RELN: variants seen among roughly 807,000 people sequenced by gnomAD.
RELN encodes the protein reelin.
A neutral mutation model predicts 427.6 loss-of-function variants in RELN; 108 were observed. The observed-to-expected ratio is 0.25, with a 90% CI of 0.22 to 0.30. The LOEUF is 0.30. Ranked by LOEUF, RELN falls within the 10% of genes least tolerant of loss-of-function variation. The pLI is 1.00. For synonymous variants in RELN, 1,524 were observed against 1,513.4 expected (o/e 1.01, Z -0.16); for missense variants, 3,715 against 4,302.8 (o/e 0.86, Z 3.82).
At position 103,704,772 on chromosome 7, in the gene RELN, G is replaced by C. The variant is rs567099932; in HGVS notation, c.806-3766C>G. Among the ~76,000 whole-genome samples, 8 of 151,900 alleles carry C rather than the reference G, an allele frequency of 5.3e-5. No individual in the cohort carries two copies. The East Asian group carries it at 1.4e-3, about 26-fold the overall frequency. On this transcript the variant is annotated intron_variant, in intron 8 of 64. Transcript: ENST00000428762. Reference sequence around the variant, plus strand: ...CCTTTTTGGGCAAAACTTCTCCAAGGGGTTGGCTGTCCAGTGATTGCCTCC... The same window carrying C: ...CCTTTTTGGGCAAAACTTCTCCAAGCGGTTGGCTGTCCAGTGATTGCCTCC...
chr7:103,512,667 G>A (rs940208203), intron 50 of RELN: 1 of 152,064 alleles, frequency 6.6e-6, no homozygotes, highest in Non-Finnish European at 1.5e-5. Context: ...TTTCTCTTCT[G>A]GAAGAGATGA....
chr7:103,695,625 A>C (rs1011614647), intron 10 of RELN, among the ~76,000 whole-genome samples: 20 of 152,162 alleles, frequency 1.3e-4, no homozygotes, highest in African/African-American at 4.6e-4. Context: ...ATGGCTTGTA[A>C]AATGAAACAG....
chr7:103,903,859 T>A (rs868843104), intron 2 of RELN, among the ~76,000 whole-genome samples: 1 of 151,940 alleles, frequency 6.6e-6, no homozygotes, highest in South Asian at 2.1e-4. Context: ...TGTTTTTTTT[T>A]AAGTTCCGGG....
chr7:103,896,398 C>T (rs1472550337), intron 2 of RELN, among the ~76,000 whole-genome samples: 1 of 152,022 alleles, frequency 6.6e-6, no homozygotes. Flanking sequence ...CCCAAAACTA[C>T]TAACAACTCA....
intron 28 of RELN, among the ~76,000 whole-genome samples, chr7:103,585,150 G>A (rs1562905787): frequency 6.6e-6 from 1 of 151,672 alleles, no homozygotes; most frequent in African/African-American, 2.4e-5. Flanking sequence ...CCTCAAGGAA[G>A]AAAAATAAAG....
intron 2 of RELN, among the ~76,000 whole-genome samples, chr7:103,882,323 A>G (rs1359922708): frequency 6.6e-6 from 1 of 152,098 alleles, no homozygotes; most frequent in Non-Finnish European, 1.5e-5. Context: ...CCCTAAAACC[A>G]GGGCCTATTT....
At chr7:103,694,917 G>C (rs1344903398) in intron 10 of RELN, among the ~76,000 whole-genome samples, 1 of 151,454 alleles carries the variant, frequency 6.6e-6, no homozygotes. Flanking sequence ...CTCCCACTTT[G>C]GCCTCCCAAA....
intron 1 of RELN, among the ~76,000 whole-genome samples, chr7:103,924,340 A>G (rs1266247792): frequency 6.6e-6 from 1 of 152,034 alleles, no homozygotes. Context: ...AGGGGGAGAA[A>G]GGAAGGAGAA....
chr7:103,526,044 C>A (rs989300742), intron 46 of RELN, among the ~76,000 whole-genome samples: 1 of 152,138 alleles, frequency 6.6e-6, no homozygotes, highest in African/African-American at 2.4e-5. Flanking sequence ...GGTAGATGGG[C>A]AGGGCCTGGT....
In RELN at chr7:103,500,880, C is replaced by A; in HGVS notation, c.8532G>T (p.Gln2844His). The stretch of plus-strand genomic sequence containing the variant: ...CCAGGTAGAAATTATCGATTGCCCA[C>A]TGCATGTCTGAGTACTTCTGATAGA... ...FRFYQKYSDM[Q>H]WAIDNFYLGP... The change falls in exon 53 of 65, where the codon CAG (glutamine) becomes CAT (histidine). Residue 2844 changes from glutamine to histidine, a missense_variant. Physicochemically the swap from Gln to His is conservative, Grantham distance 24. Around this residue, in one of 4 missense-constraint regions of RELN, gnomAD observed 1,310 missense variants for 1,643.0 expected, o/e 0.80. Coordinates refer to ENST00000428762, the MANE Select transcript of RELN (RefSeq NM_005045.4). 1.9e-6 allele frequency: 3 copies of A among 1,614,100 alleles called. No individual in the cohort carries two copies. The highest frequency in any genetic ancestry group is 2.5e-6 in the Non-Finnish European group (3 of 1,179,974).
intron 2 of RELN, among the ~76,000 whole-genome samples, chr7:103,893,107 T>A (rs1018773289): frequency 6.6e-6 from 1 of 151,978 alleles, no homozygotes; most frequent in Non-Finnish European, 1.5e-5. Context: ...GAGAAAAAAA[T>A]TAGTTTCTCT....
intron 23 of RELN, 118 bp downstream of exon 23, chr7:103,604,228 T>A: frequency 8.4e-7 from 1 of 1,186,616 alleles, no homozygotes. Flanking sequence ...ACTTGTTTCT[T>A]TTGGCTATGT....
At position 103,897,254 on chromosome 7, in the gene RELN, G is replaced by T. The variant is rs561025179; in HGVS notation, c.337+19821C>A. Among the ~76,000 whole-genome samples the T allele has an allele frequency of 2.0e-5, 3 of 152,198 alleles. No individual in the cohort carries two copies. In the South Asian group the frequency reaches 6.2e-4, roughly 32 times the overall value. On this transcript the variant is annotated intron_variant, in intron 2 of 64. Coordinates refer to ENST00000428762, the MANE Select transcript of RELN (RefSeq NM_005045.4). ...AAAATAAAATCAGTTCATTAGCTGA[G>T]TGTCAACACACAATATAAAACCATG...
At chr7:103,825,551 GT>G (rs1793116293) in intron 3 of RELN, among the ~76,000 whole-genome samples, 1 of 152,110 alleles carries the variant, frequency 6.6e-6, no homozygotes, top group Non-Finnish European at 1.5e-5. Context: ...AAAAAACTTA[GT>G]TTTGCTTTCT....
rs563808290 is a variant in RELN, at chr7:103,830,214, T to C, written c.473+3323A>G. Among the ~76,000 whole-genome samples the C allele has an allele frequency of 4.5e-4, 68 of 152,112 alleles. 3 individuals carry two copies. The highest frequency in any genetic ancestry group is 1.6e-3 in the African/African-American group (65 of 41,554). ...ATTATTAGCTACTAACAAATATTTA[T>C]TGAGCACATTCTATTGGTCTATAGT... On this transcript the variant is annotated intron_variant, in intron 3 of 64. Coordinates refer to ENST00000428762, the MANE Select transcript of RELN (RefSeq NM_005045.4).
At chr7:103,710,638 T>C (rs963921064) in intron 8 of RELN, among the ~76,000 whole-genome samples, 1 of 151,838 alleles carries the variant, frequency 6.6e-6, no homozygotes, top group Non-Finnish European at 1.5e-5. Context: ...CAATAAGGAG[T>C]TGCAAAGGCA....
At chr7:103,608,463 A>C (rs1365271226) in intron 22 of RELN, among the ~76,000 whole-genome samples, 1 of 152,108 alleles carries the variant, frequency 6.6e-6, no homozygotes, top group African/African-American at 2.4e-5. Context: ...GAATTAAATT[A>C]CTTGTTACAT....
At chr7:103,634,431 T>A (rs1388688082) in intron 19 of RELN, among the ~76,000 whole-genome samples, 2 of 152,182 alleles carry the variant, frequency 1.3e-5, no homozygotes, top group Non-Finnish European at 2.9e-5. Flanking sequence ...TCAATAAGTT[T>A]TAGGAGTGGA....
intron 11 of RELN, among the ~76,000 whole-genome samples, chr7:103,669,628 A>C (rs1833347286): frequency 6.6e-6 from 1 of 151,892 alleles, no homozygotes; most frequent in African/African-American, 2.4e-5. Flanking sequence ...AATATAACCA[A>C]ATCTTTGAGA....
Sources: allele counts gnomAD v4.1 joint callset (sites outside exome capture counted in the v4.1 genomes callset), GRCh38; gene constraint gnomAD v4.1.1; regional missense constraint gnomAD v4.1.1; transcripts MANE v1.5; gene names NCBI Gene and HGNC (gene_info 2026-07-23, HGNC 2026-07-21).